The following ZNF536 variants were observed in gnomAD, a reference collection of about 807,000 sequenced individuals.
ZNF536 encodes the protein zinc finger protein 536.
A neutral mutation model predicts 84.5 loss-of-function variants in ZNF536; 13 were observed. That is an observed-to-expected ratio of 0.15 (90% CI 0.10 to 0.24). The LOEUF is 0.24. Ranked by LOEUF, ZNF536 falls within the 10% of genes least tolerant of loss-of-function variation. The pLI is 1.00. For synonymous variants in ZNF536, 811 were observed against 742.5 expected, an observed-to-expected ratio of 1.09 and a Z score of -1.50; for missense variants, 1,536 against 1,747.5, an observed-to-expected ratio of 0.88 and a Z score of 2.16.
intron 2 of ZNF536, among the ~76,000 whole-genome samples, chr19:30,474,055 G>A (rs2053748924): frequency 6.6e-6 from 1 of 152,240 alleles, no homozygotes; most frequent in Non-Finnish European, 1.5e-5. Flanking sequence ...ATGGATGAAG[G>A]AAGTGAGACT....
Position 30,446,385 on chromosome 19 carries a change from G to A in ZNF536, c.2170+653G>A, listed in dbSNP as rs142591255. ...TGCAATTGTCCAACCCCATTTCACC[G>A]CCTGACGCTGTCGGCCATCATCTGG... On this transcript the variant is annotated intron_variant, in intron 2 of 4. Transcript: ENST00000355537. 1.9e-3 allele frequency among the ~76,000 whole-genome samples: 280 copies of A among 150,884 alleles called. 1 individual carries two copies. The highest frequency in any genetic ancestry group is 2.8e-3 in the Non-Finnish European group (191 of 67,802).
At chr19:30,234,554 A>G (rs139714446) in intron 1 of ZNF536, among the ~76,000 whole-genome samples, 2,164 of 151,768 alleles carry the variant, frequency 0.014, 136 homozygotes, top group Admixed American at 0.12. Flanking sequence ...AGCATGTGCC[A>G]CCACACCTGG....
At chr19:30,503,923 T>C (rs114779153) in intron 2 of ZNF536, among the ~76,000 whole-genome samples, 1,760 of 151,692 alleles carry the variant, frequency 0.012, 34 homozygotes, top group African/African-American at 0.041. Context: ...TTCTCTCTCT[T>C]TTTTTTTAAT....
chr19:30,673,826 C>T (rs942379990), intron 1 of ZNF536, among the ~76,000 whole-genome samples: 13 of 152,194 alleles, frequency 8.5e-5, no homozygotes, highest in African/African-American at 2.4e-4. Flanking sequence ...TTTTCTCCTA[C>T]GTTGTCATTT....
At chr19:30,522,012 G>A (rs1425743661) in intron 2 of ZNF536, among the ~76,000 whole-genome samples, 1 of 151,740 alleles carries the variant, frequency 6.6e-6, no homozygotes, top group East Asian at 1.9e-4. Flanking sequence ...AGCAGCATGG[G>A]ACATCACACT....
chr19:30,462,991 G>A (rs1568456803), intron 2 of ZNF536, among the ~76,000 whole-genome samples: 1 of 142,210 alleles, frequency 7.0e-6, no homozygotes, highest in Non-Finnish European at 1.6e-5. Context: ...ATGGGATGGG[G>A]TGTGTGTTGT....
At chr19:30,579,398 G>T (rs2046844724) in intron 1 of ZNF536, among the ~76,000 whole-genome samples, 1 of 152,182 alleles carries the variant, frequency 6.6e-6, no homozygotes. Flanking sequence ...TGATTCAGTA[G>T]GTGGCTAGGT....
At position 30,687,842 on chromosome 19, in the gene ZNF536, T is replaced by A. The variant is rs551841139; in HGVS notation, c.170-22915T>A. On this transcript the variant is annotated intron_variant, in intron 1 of 1. Transcript: ENST00000592773. ...TTTCATTCTGACCTTTGGATTTTTTTAAAAAAAACTTTTATTTGCATGATT... is the reference window on the plus strand; with the variant it reads ...TTTCATTCTGACCTTTGGATTTTTTAAAAAAAAACTTTTATTTGCATGATT... Among the ~76,000 whole-genome samples, 55 of 152,082 alleles carry A rather than the reference T, an allele frequency of 3.6e-4. No individual in the cohort carries two copies. In the East Asian group the frequency reaches 5.6e-3, roughly 15 times the overall value.
intron 1 of ZNF536, among the ~76,000 whole-genome samples, chr19:30,620,261 G>T (rs1307381425): frequency 2.6e-5 from 4 of 152,050 alleles, no homozygotes; most frequent in Non-Finnish European, 5.9e-5. Flanking sequence ...GGCCGGTGTT[G>T]CCACAGCAAC....
chr19:30,271,643 C>T (rs1286746380), intron 1 of ZNF536, among the ~76,000 whole-genome samples: 1 of 152,158 alleles, frequency 6.6e-6, no homozygotes, highest in Admixed American at 6.5e-5. Flanking sequence ...GGAGGTGGCT[C>T]ATGTCCATTT....
intron 2 of ZNF536, among the ~76,000 whole-genome samples, chr19:30,478,778 G>A (rs928013998): frequency 6.6e-6 from 1 of 152,176 alleles, no homozygotes; most frequent in Non-Finnish European, 1.5e-5. Flanking sequence ...ACAAAATGTG[G>A]TATAGCTTCG....
intron 2 of ZNF536, among the ~76,000 whole-genome samples, chr19:30,479,933 C>T (rs533011120): frequency 6.6e-6 from 1 of 152,270 alleles, no homozygotes; most frequent in Non-Finnish European, 1.5e-5. Flanking sequence ...GGTCTCGGTC[C>T]CCAGCCTTCA....
chr19:30,274,926 C>A (rs1009163327), intron 1 of ZNF536, among the ~76,000 whole-genome samples: 1 of 152,194 alleles, frequency 6.6e-6, no homozygotes, highest in South Asian at 2.1e-4. Context: ...TAAAGCGATA[C>A]GTATGTTGAG....
chr19:30,357,340 G>A (rs987400852), intron 3 of ZNF536, among the ~76,000 whole-genome samples: 18 of 152,190 alleles, frequency 1.2e-4, no homozygotes, highest in African/African-American at 3.6e-4. Context: ...GGGGAAGAGC[G>A]TGGCATGTCT....
At chr19:30,280,476 TC>T (rs1047789355) in intron 1 of ZNF536, among the ~76,000 whole-genome samples, 21 of 152,238 alleles carry the variant, frequency 1.4e-4, no homozygotes, top group African/African-American at 5.1e-4. Flanking sequence ...CACCACCCTT[TC>T]CCCAAGTGCT....
intron 2 of ZNF536, among the ~76,000 whole-genome samples, chr19:30,507,169 C>A (rs890786405): frequency 1.3e-5 from 2 of 152,110 alleles, no homozygotes; most frequent in Non-Finnish European, 2.9e-5. Context: ...TGAGACCAGC[C>A]TGGCCAATAT....
At chr19:30,563,204 C>T (rs891562940) in intron 1 of ZNF536, among the ~76,000 whole-genome samples, 1 of 152,152 alleles carries the variant, frequency 6.6e-6, no homozygotes, top group Admixed American at 6.5e-5. Context: ...GTGCCCCACC[C>T]TCATCCTTGC....
chr19:30,383,087 C>T (rs774297402), intron 1 of ZNF536, among the ~76,000 whole-genome samples: 2 of 152,102 alleles, frequency 1.3e-5, no homozygotes, highest in Admixed American at 6.5e-5. Flanking sequence ...GTCGGGAGTT[C>T]GAGACCAGTC....
intron 1 of ZNF536, among the ~76,000 whole-genome samples, chr19:30,392,493 C>T (rs916391812): frequency 3.3e-5 from 5 of 152,132 alleles, no homozygotes; most frequent in Admixed American, 3.3e-4. Flanking sequence ...CAATTATCTG[C>T]GGTTAGCTGG....
Sources: gnomAD v4.1 joint callset for allele counts (sites outside exome capture counted in the v4.1 genomes callset) on GRCh38, gnomAD v4.1.1 for gene constraint, MANE v1.5 for transcripts, NCBI Gene and HGNC (gene_info 2026-07-23, HGNC 2026-07-21) for gene names.